TNFRSF21: variants seen among roughly 807,000 people sequenced by gnomAD.
TNFRSF21 encodes tumor necrosis factor receptor superfamily member 21.
In TNFRSF21, 19 loss-of-function variants were observed where a neutral mutation model predicts 45.6. That is an observed-to-expected ratio of 0.42 (90% CI 0.29 to 0.61). The LOEUF (loss-of-function observed/expected upper bound fraction) is 0.61. Among genes scored for constraint, TNFRSF21 ranks in the 20% least tolerant of loss-of-function variants. The probability of loss-of-function intolerance (pLI) is 0.23; values close to 1 mark genes in which losing one functional copy is unlikely to be tolerated. For missense variants in TNFRSF21, 737 were observed against 851.5 expected (o/e 0.87, Z 1.67); for synonymous variants, 314 against 335.5 (o/e 0.94, Z 0.70).
At chr6:47,300,415 T>C (rs1441496724) in intron 1 of TNFRSF21, among the ~76,000 whole-genome samples, 1 of 152,222 alleles carries the variant, frequency 6.6e-6, no homozygotes, top group Non-Finnish European at 1.5e-5. Context: ...TCTAGCACCA[T>C]CATCTCTGCC....
At position 47,266,077 on chromosome 6, in the gene TNFRSF21, T is replaced by TA. The variant is rs775432574; in HGVS notation, c.1244-12557dup. ...TCTGTCACCTGACCACTGAAACCTC[T>TA]AGGAAATCTTTGTATAAGAAACATG... On this transcript the variant is annotated intron_variant, in intron 3 of 5. Transcript: ENST00000296861. 2.0e-5 allele frequency among the ~76,000 whole-genome samples: 3 copies of TA among 152,298 alleles called. No homozygotes were observed. In the South Asian group the frequency reaches 6.2e-4, roughly 32 times the overall value.
At chr6:47,253,181 C>T in intron 4 of TNFRSF21, 75 bp downstream of exon 4, 1 of 1,524,608 alleles carries the variant, frequency 6.6e-7, no homozygotes, top group Non-Finnish European at 8.9e-7. Flanking sequence ...TTTCTTTGTT[C>T]CCATACAACT....
chr6:47,305,427 G>T (rs1022390028), intron 1 of TNFRSF21, among the ~76,000 whole-genome samples: 1 of 152,024 alleles, frequency 6.6e-6, no homozygotes, highest in Non-Finnish European at 1.5e-5. Context: ...CACATTCTAG[G>T]ATTGTAGAGC....
At chr6:47,236,978 TC>T (rs547226658) in intron 4 of TNFRSF21, among the ~76,000 whole-genome samples, 2,769 of 151,480 alleles carry the variant, frequency 0.018, 48 homozygotes, top group Non-Finnish European at 0.027. Flanking sequence ...ATGTTTAATT[TC>T]CCCCCCCGAT....
chr6:47,286,257 G>A lies in TNFRSF21; in HGVS notation c.435C>T (p.Ala145=), dbSNP rs143890976. 15 of 1,614,088 alleles carry A rather than the reference G, an allele frequency of 9.3e-6. No homozygotes were observed. Among genetic ancestry groups the A allele is most frequent in the Non-Finnish European group, 1.2e-5 (14 of 1,180,050 alleles). ...AACCCACAGGACACACCGTATGGGG[G>A]GCACAGGTAGCGTTAGACTGGAACA... The part of the protein sequence containing the change: ...PGMFQSNATC[A]PHTVCPVGWG... Residue 145 remains alanine (A), a synonymous_variant, in exon 2 of 6, where the codon GCC becomes GCT. Coordinates refer to ENST00000296861, the MANE Select transcript of TNFRSF21 (RefSeq NM_014452.5).
intron 3 of TNFRSF21, among the ~76,000 whole-genome samples, chr6:47,273,442 C>T (rs771320405): frequency 2.6e-5 from 4 of 152,086 alleles, no homozygotes; most frequent in Non-Finnish European, 4.4e-5. Flanking sequence ...GCAGAAAAGG[C>T]CTTCGACAAA....
chr6:47,276,560 A>G (rs891782093), intron 3 of TNFRSF21, among the ~76,000 whole-genome samples: 7 of 152,222 alleles, frequency 4.6e-5, no homozygotes, highest in African/African-American at 7.2e-5. Flanking sequence ...GTAGGCGACA[A>G]CCTGCAGGAC....
At position 47,284,305 on chromosome 6, in the gene TNFRSF21, G is replaced by C; in HGVS notation, c.876C>G (p.Leu292=). 1 of 1,607,892 alleles carries C rather than the reference G, an allele frequency of 6.2e-7. No homozygotes were observed. Among genetic ancestry groups the C allele is most frequent in the South Asian group, 1.1e-5 (1 of 89,474 alleles). ...GGTGGTTGACTACCTGAAGGTTTGG[G>C]AGGGTCTTGTTCACGTCTTCCTTCC... is the stretch of plus-strand genomic sequence containing the variant. The part of the protein sequence containing the change: ...ARGKEDVNKT[L]PNLQVVNHQQ... The change falls in exon 3 of 6, where the codon CTC becomes CTG. Residue 292 remains leucine, a synonymous_variant. Transcript: ENST00000296861.
intron 4 of TNFRSF21, among the ~76,000 whole-genome samples, chr6:47,235,211 C>G (rs1290415039): frequency 6.6e-6 from 1 of 152,052 alleles, no homozygotes; most frequent in Non-Finnish European, 1.5e-5. Flanking sequence ...TTTTGTAGAG[C>G]TGAAAGGAGT....
intron 5 of TNFRSF21, among the ~76,000 whole-genome samples, chr6:47,234,420 A>T (rs1395540583): frequency 1.3e-5 from 2 of 152,232 alleles, no homozygotes; most frequent in Non-Finnish European, 2.9e-5. Flanking sequence ...CATCATGAGG[A>T]TAAAGGGTGG....
intron 3 of TNFRSF21, among the ~76,000 whole-genome samples, chr6:47,271,604 A>AATT (rs1762420440): frequency 6.6e-6 from 1 of 152,216 alleles, no homozygotes; most frequent in South Asian, 2.1e-4. Flanking sequence ...AAACTGCATC[A>AATT]ATTAACGGGC....
At chr6:47,256,952 C>T (rs1764997650) in intron 3 of TNFRSF21, among the ~76,000 whole-genome samples, 1 of 152,152 alleles carries the variant, frequency 6.6e-6, no homozygotes, top group Non-Finnish European at 1.5e-5. Context: ...CTGTCATGTC[C>T]ATTTCCTCAT....
chr6:47,303,265 AG>A (rs1231228537), intron 1 of TNFRSF21, among the ~76,000 whole-genome samples: 8 of 152,240 alleles, frequency 5.3e-5, no homozygotes, highest in Non-Finnish European at 8.8e-5. Flanking sequence ...AAGTATATAA[AG>A]ATTAGATAAT....
intron 4 of TNFRSF21, among the ~76,000 whole-genome samples, chr6:47,246,584 A>G (rs1764827683): frequency 1.3e-5 from 2 of 152,222 alleles, no homozygotes; most frequent in Non-Finnish European, 2.9e-5. Flanking sequence ...CGTGACATGA[A>G]CTGGGATATT....
Position 47,286,551 on chromosome 6 carries a change from G to C in TNFRSF21, c.141C>G (p.Ala47=). Residue 47 remains alanine (A), a synonymous_variant, in exon 2 of 6, where the codon GCC becomes GCG. Transcript: ENST00000296861. Reference sequence around the variant, plus strand: ...GGCGGTATGTGCCAATGAGATTCGAGGCCTTCTGTTCTGGCTGAGCTGTGG... The same window carrying C: ...GGCGGTATGTGCCAATGAGATTCGACGCCTTCTGTTCTGGCTGAGCTGTGG... ...STTTAQPEQK[A]SNLIGTYRHV... is the part of the protein sequence containing the mutation. 6.2e-7 allele frequency: 1 copy of C among 1,612,468 alleles called. No individual in the cohort carries two copies. Among genetic ancestry groups the C allele is most frequent in the Non-Finnish European group, 8.5e-7 (1 of 1,178,624 alleles).
At chr6:47,262,518 G>A (rs1765088093) in intron 3 of TNFRSF21, among the ~76,000 whole-genome samples, 1 of 152,190 alleles carries the variant, frequency 6.6e-6, no homozygotes, top group Admixed American at 6.5e-5. Flanking sequence ...TTCCATTGGG[G>A]GGAAGTAATA....
intron 3 of TNFRSF21, among the ~76,000 whole-genome samples, chr6:47,260,368 C>G (rs1300230850): frequency 6.6e-6 from 1 of 152,170 alleles, no homozygotes; most frequent in Non-Finnish European, 1.5e-5. Flanking sequence ...TGAGCTGGTA[C>G]TGACTTGATC....
At position 47,232,965 on chromosome 6, in the gene TNFRSF21, G is replaced by A. The variant is rs775136732; in HGVS notation, c.1768C>T (p.Arg590Cys). The A allele has an allele frequency of 4.3e-6, 7 of 1,614,110 alleles. No homozygotes were observed. Among genetic ancestry groups the A allele is most frequent in the Admixed American group, 1.7e-5 (1 of 60,010 alleles). ...EKKDTVLRQV[R>C]LDPCDLQPIF... ...GGCTGCAAGTCACAGGGGTCCAGGCGTACCTGCCGCAACACTGTGTCCTTC... is the reference window on the plus strand; with the variant it reads ...GGCTGCAAGTCACAGGGGTCCAGGCATACCTGCCGCAACACTGTGTCCTTC... The change falls in exon 6 of 6, where the codon CGC becomes TGC. Residue 590 changes from arginine (R) to cysteine (C), a missense_variant. By Grantham distance (180) the Arg-to-Cys change is radical. Transcript: ENST00000296861.
rs186342662 is a variant in TNFRSF21 at position 47,254,314 on chromosome 6, G to A, written c.1244-793C>T. On this transcript the variant is annotated intron_variant, in intron 3 of 5. Coordinates refer to ENST00000296861, the MANE Select transcript of TNFRSF21 (RefSeq NM_014452.5). The stretch of plus-strand genomic sequence containing the variant: ...AGAGCAGGATGGTACGGGAATGTGA[G>A]ATTTGATCGCATTACTCAGAATAGT... Among the ~76,000 whole-genome samples, 546 of 152,306 alleles carry A rather than the reference G, an allele frequency of 3.6e-3. 3 individuals are homozygous for A. Among genetic ancestry groups the A allele is most frequent in the South Asian group, 0.022 (104 of 4,822 alleles).
Sources: gnomAD v4.1 joint callset for allele counts (sites outside exome capture counted in the v4.1 genomes callset) on GRCh38, gnomAD v4.1.1 for gene constraint, MANE v1.5 for transcripts, NCBI Gene and HGNC (gene_info 2026-07-23, HGNC 2026-07-21) for gene names.